LSAMP: variants seen among roughly 807,000 people sequenced by gnomAD.
The protein encoded by LSAMP is limbic system-associated membrane protein.
Under a neutral mutation model 38.6 loss-of-function variants are expected in LSAMP, and 7 were observed. The observed-to-expected ratio is 0.18, with a 90% CI of 0.10 to 0.34. The LOEUF is 0.34. Among genes scored for constraint, LSAMP ranks in the 10% least tolerant of loss-of-function variants. LSAMP has a pLI of 1.00. For synonymous variants in LSAMP, 154 were observed against 166.8 expected (o/e 0.92, Z 0.59); for missense variants, 313 against 420.0 (o/e 0.75, Z 2.23).
Position 116,354,843 on chromosome 3 carries a change from ATATG to A in LSAMP, c.155+90030_155+90033del, listed in dbSNP as rs780623865. ...TCTCTGTCTCTCTCTCTGGGTGTAT[ATATG>A]TGTGTGTGTGTGTGTGTGTGTGTGT... is the stretch of plus-strand genomic sequence containing the variant. On this transcript the variant is annotated intron_variant, in intron 1 of 6. Coordinates refer to ENST00000490035, the MANE Select transcript of LSAMP (RefSeq NM_002338.5). Among the ~76,000 whole-genome samples the A allele has an allele frequency of 5.0e-3, 521 of 104,354 alleles. 2 individuals are homozygous for A. Among genetic ancestry groups the A allele is most frequent in the Non-Finnish European group, 8.7e-3 (436 of 49,950 alleles). 68.5% of individuals were successfully genotyped at this position (104,354 alleles called of 152,430 possible).
intron 2 of LSAMP, among the ~76,000 whole-genome samples, chr3:116,053,331 T>G (rs1287988215): frequency 6.6e-6 from 1 of 152,222 alleles, no homozygotes; most frequent in Non-Finnish European, 1.5e-5. Flanking sequence ...AACAGGCAAT[T>G]TCCTCATCCT....
chr3:116,414,487 G>A (rs941350602), intron 1 of LSAMP, among the ~76,000 whole-genome samples: 1 of 151,920 alleles, frequency 6.6e-6, no homozygotes, highest in African/African-American at 2.4e-5. Flanking sequence ...GAAAACATAG[G>A]TCTGACCTCA....
chr3:115,875,616 G>A (rs187068965), intron 3 of LSAMP, among the ~76,000 whole-genome samples: 1 of 152,008 alleles, frequency 6.6e-6, no homozygotes, highest in African/African-American at 2.4e-5. Flanking sequence ...TTCATGTGAG[G>A]GGTCACTTCC....
intron 1 of LSAMP, among the ~76,000 whole-genome samples, chr3:116,193,993 A>G (rs540049035): frequency 1.7e-3 from 257 of 152,336 alleles, no homozygotes; most frequent in African/African-American, 6.0e-3. Context: ...AGTTTCAGAC[A>G]GAAAACGGAA....
intron 3 of LSAMP, among the ~76,000 whole-genome samples, chr3:115,932,785 A>G (rs1937602087): frequency 6.6e-6 from 1 of 152,222 alleles, no homozygotes; most frequent in Admixed American, 6.5e-5. Flanking sequence ...GTGGAGAAAT[A>G]TTATTCAATT....
intron 2 of LSAMP, among the ~76,000 whole-genome samples, chr3:116,082,570 C>A (rs184826004): frequency 6.6e-6 from 1 of 152,116 alleles, no homozygotes; most frequent in African/African-American, 2.4e-5. Context: ...AAGAAGCTCT[C>A]TATGGTAGAA....
chr3:115,968,114 G>A (rs1347471249), intron 3 of LSAMP, among the ~76,000 whole-genome samples: 1 of 152,056 alleles, frequency 6.6e-6, no homozygotes, highest in African/African-American at 2.4e-5. Flanking sequence ...CCAGCCCAAA[G>A]CAGGTCCAGA....
chr3:116,431,211 G>GA (rs1451867058), intron 1 of LSAMP, among the ~76,000 whole-genome samples: 12 of 150,450 alleles, frequency 8.0e-5, no homozygotes, highest in Non-Finnish European at 1.6e-4. Flanking sequence ...AATTGCTTGA[G>GA]AAAAAAAAAT....
At chr3:116,055,784 A>G (rs950041997) in intron 2 of LSAMP, among the ~76,000 whole-genome samples, 1 of 152,200 alleles carries the variant, frequency 6.6e-6, no homozygotes, top group African/African-American at 2.4e-5. Context: ...TTTGTAAATC[A>G]CTTATATAGC....
At chr3:115,938,741 T>A (rs1284263721) in intron 3 of LSAMP, among the ~76,000 whole-genome samples, 1 of 152,182 alleles carries the variant, frequency 6.6e-6, no homozygotes, top group African/African-American at 2.4e-5. Flanking sequence ...GGACAAGTAG[T>A]GAATTTCAGT....
In LSAMP at chr3:115,803,583, A is replaced by G. The variant is rs189674396; in HGVS notation, c.*6734T>C. On this transcript the variant is annotated 3_prime_UTR_variant, in exon 7 of 7. Coordinates refer to ENST00000490035, the MANE Select transcript of LSAMP (RefSeq NM_002338.5). ...TTCACAACAATTCATACTGTCTTCA[A>G]CTCTGTAACCTCCTAAATTGTGTTT... The G allele has an allele frequency of 6.6e-6, 1 of 152,128 alleles. No homozygotes were observed. The highest frequency in any genetic ancestry group is 1.9e-4 in the East Asian group (1 of 5,170). The allele number at this position is 152,128 out of a possible 1,614,324, so 9.4% of individuals were successfully genotyped here.
At chr3:115,884,029 C>CTTCTAAA (rs1936388606) in intron 3 of LSAMP, among the ~76,000 whole-genome samples, 1 of 151,926 alleles carries the variant, frequency 6.6e-6, no homozygotes, top group Non-Finnish European at 1.5e-5. Context: ...CTTCTAAAAG[C>CTTCTAAA]AGAGAATGTA....
At chr3:115,977,533 T>G (rs777063832) in intron 3 of LSAMP, among the ~76,000 whole-genome samples, 7 of 152,194 alleles carry the variant, frequency 4.6e-5, no homozygotes, top group Non-Finnish European at 8.8e-5. Flanking sequence ...CCCAATTCAA[T>G]TCCTTTGCTC....
At chr3:116,289,169 A>G (rs2047230009) in intron 1 of LSAMP, among the ~76,000 whole-genome samples, 1 of 152,238 alleles carries the variant, frequency 6.6e-6, no homozygotes, top group Middle Eastern at 3.2e-3. Context: ...ACACCAATTT[A>G]TAAAAGAAAG....
At chr3:115,895,947 C>T (rs1936717994) in intron 3 of LSAMP, among the ~76,000 whole-genome samples, 1 of 151,998 alleles carries the variant, frequency 6.6e-6, no homozygotes, top group Admixed American at 6.6e-5. Flanking sequence ...CCTGAAGAGC[C>T]AAGTTTATTA....
chr3:116,065,352 C>T (rs1707401414), intron 2 of LSAMP, among the ~76,000 whole-genome samples: 2 of 152,138 alleles, frequency 1.3e-5, no homozygotes, highest in Admixed American at 1.3e-4. Context: ...GCCTCAAAGA[C>T]AATGTCTAGT....
At chr3:116,232,158 G>T (rs2046408822) in intron 1 of LSAMP, among the ~76,000 whole-genome samples, 1 of 152,200 alleles carries the variant, frequency 6.6e-6, no homozygotes, top group East Asian at 1.9e-4. Flanking sequence ...CTCTCTGCAT[G>T]GGTTTTAATG....
At chr3:115,826,555 A>G (rs1417159864) in intron 6 of LSAMP, among the ~76,000 whole-genome samples, 1 of 152,154 alleles carries the variant, frequency 6.6e-6, no homozygotes, top group Non-Finnish European at 1.5e-5. Context: ...TTCATTAAGT[A>G]CTTCTCCATT....
chr3:115,832,486 G>T (rs561967901), intron 6 of LSAMP, among the ~76,000 whole-genome samples: 1 of 152,028 alleles, frequency 6.6e-6, no homozygotes, highest in Non-Finnish European at 1.5e-5. Context: ...TAGATATTTG[G>T]GTACTTAACT....
Sources: allele counts gnomAD v4.1 joint callset (sites outside exome capture counted in the v4.1 genomes callset), GRCh38; gene constraint gnomAD v4.1.1; transcripts MANE v1.5; gene names NCBI Gene and HGNC (gene_info 2026-07-23, HGNC 2026-07-21).